Variants in MYO18B observed in about 807,000 individuals in gnomAD.
MYO18B encodes myosin XVIIIB, also known as unconventional myosin-XVIIIb.
A neutral mutation model predicts 273.0 loss-of-function variants in MYO18B; 204 were observed. That is an observed-to-expected ratio of 0.75 (90% CI 0.67 to 0.84). The LOEUF (loss-of-function observed/expected upper bound fraction) is 0.84. Ranked by LOEUF, MYO18B falls within the 40% of genes least tolerant of loss-of-function variation. The probability of loss-of-function intolerance (pLI) is 0.00; values close to 1 mark genes in which losing one functional copy is unlikely to be tolerated. For synonymous variants in MYO18B, 1,330 were observed against 1,305.7 expected (o/e 1.02, Z -0.40); for missense variants, 3,212 against 3,287.6 (o/e 0.98, Z 0.56).
chr22:25,761,361 G>T (rs2086310161), intron 2 of MYO18B, among the ~76,000 whole-genome samples: 2 of 151,250 alleles, frequency 1.3e-5, no homozygotes, highest in Admixed American at 6.6e-5. Context: ...AGGGCTGCCT[G>T]GTTGTTTCCT....
chr22:26,017,345 T>G (rs1935439870), intron 42 of MYO18B, among the ~76,000 whole-genome samples: 1 of 151,862 alleles, frequency 6.6e-6, no homozygotes, highest in Non-Finnish European at 1.5e-5. Flanking sequence ...TCCTTCTTCC[T>G]TCCTTCCTTC....
intron 12 of MYO18B, among the ~76,000 whole-genome samples, chr22:25,820,912 T>C (rs2089253788): frequency 6.6e-6 from 1 of 152,188 alleles, no homozygotes; most frequent in African/African-American, 2.4e-5. Flanking sequence ...AGCTTCCACA[T>C]ATGAATAAGA....
intron 39 of MYO18B, among the ~76,000 whole-genome samples, chr22:25,968,378 G>C (rs2093001497): frequency 6.6e-6 from 1 of 152,210 alleles, no homozygotes; most frequent in Admixed American, 6.5e-5. Context: ...GTTAGTGCCA[G>C]AAGGAGGAGA....
At chr22:25,995,975 A>G (rs1391240879) in intron 40 of MYO18B, among the ~76,000 whole-genome samples, 8 of 152,236 alleles carry the variant, frequency 5.3e-5, no homozygotes. Flanking sequence ...ACACGACTAC[A>G]GAAAACCAGG....
intron 20 of MYO18B, 92 bp downstream of exon 20, chr22:25,847,744 GT>G: frequency 1.1e-6 from 1 of 941,422 alleles, no homozygotes; most frequent in Non-Finnish European, 1.6e-6. Context: ...CCCCTGCCAT[GT>G]GCTAGGAGCT....
rs1481652304 is a variant in MYO18B, at chr22:25,950,503, G to A, written c.5832+53G>A. The A allele has an allele frequency of 1.0e-5, 8 of 795,992 alleles. No individual in the cohort carries two copies. In the African/African-American group the frequency reaches 2.1e-4, roughly 21 times the overall value. The allele number at this position is 795,992 out of a possible 1,614,324, so 49.3% of individuals were successfully genotyped here. The stretch of plus-strand genomic sequence containing the variant: ...GTATTAGTCAGGGTTTTCTTAGAGG[G>A]ACAGAACTAATAGGATGTGTGTGTG... On this transcript the variant is annotated intron_variant, in intron 37 of 43. Transcript: ENST00000335473.
chr22:25,935,986 C>A (rs1235971914), intron 34 of MYO18B, among the ~76,000 whole-genome samples: 1 of 152,212 alleles, frequency 6.6e-6, no homozygotes. Context: ...CTGCCTCAGT[C>A]TCTCAGTACA....
the MYO18B span, among the ~76,000 whole-genome samples, chr22:26,051,981 A>G: frequency 6.6e-6 from 1 of 152,218 alleles, no homozygotes. Context: ...CTCTTGATGA[A>G]CACTTGGATT....
intron 39 of MYO18B, among the ~76,000 whole-genome samples, chr22:25,964,424 A>C (rs1439681026): frequency 6.6e-6 from 1 of 152,226 alleles, no homozygotes; most frequent in Admixed American, 6.5e-5. Context: ...TGACCGACTC[A>C]ATGAATTTTA....
chr22:25,925,277 T>C (rs1405164787), intron 34 of MYO18B, among the ~76,000 whole-genome samples: 2 of 150,264 alleles, frequency 1.3e-5, no homozygotes, highest in Non-Finnish European at 2.9e-5. Flanking sequence ...GAATTCAGGA[T>C]CTGCATTTTT....
At chr22:25,861,177 C>T (rs915990362) in intron 21 of MYO18B, among the ~76,000 whole-genome samples, 1 of 152,108 alleles carries the variant, frequency 6.6e-6, no homozygotes, top group Non-Finnish European at 1.5e-5. Context: ...AGCCACTGTG[C>T]CTGGCATGTT....
At chr22:25,999,965 T>A (rs1933792254) in intron 40 of MYO18B, among the ~76,000 whole-genome samples, 1 of 152,148 alleles carries the variant, frequency 6.6e-6, no homozygotes, top group South Asian at 2.1e-4. Context: ...GTTCTTTTTT[T>A]AAAAAGCCAC....
At chr22:25,963,109 TTCTC>T (rs1336849801) in intron 39 of MYO18B, among the ~76,000 whole-genome samples, 4 of 147,226 alleles carry the variant, frequency 2.7e-5, no homozygotes, top group South Asian at 2.2e-4. Context: ...GGCATGCTGT[TTCTC>T]TCTCTCTCTC....
intron 27 of MYO18B, among the ~76,000 whole-genome samples, chr22:25,891,633 T>C (rs2091664430): frequency 6.6e-6 from 1 of 152,244 alleles, no homozygotes; most frequent in Non-Finnish European, 1.5e-5. Context: ...TAACAAATTA[T>C]CTGTATGATA....
intron 21 of MYO18B, among the ~76,000 whole-genome samples, chr22:25,859,923 C>T (rs1259332036): frequency 6.6e-6 from 1 of 152,168 alleles, no homozygotes; most frequent in African/African-American, 2.4e-5. Context: ...CCCTCGGTTA[C>T]AGAGATATTC....
chr22:25,834,042 C>T (rs973130718), intron 16 of MYO18B, among the ~76,000 whole-genome samples: 2 of 152,210 alleles, frequency 1.3e-5, no homozygotes, highest in African/African-American at 4.8e-5. Context: ...CTGTGCCTCT[C>T]CTAGGAAAGG....
intron 25 of MYO18B, among the ~76,000 whole-genome samples, chr22:25,887,471 A>C (rs1050971576): frequency 2.6e-5 from 4 of 152,164 alleles, no homozygotes; most frequent in African/African-American, 9.7e-5. Flanking sequence ...CCCTTGGAGT[A>C]ATTGTCCCTC....
At chr22:25,991,699 T>A (rs1196878835) in intron 39 of MYO18B, among the ~76,000 whole-genome samples, 1 of 152,140 alleles carries the variant, frequency 6.6e-6, no homozygotes, top group African/African-American at 2.4e-5. Flanking sequence ...CAGTTCCTCA[T>A]CTGTGAAATG....
downstream of MYO18B, among the ~76,000 whole-genome samples, chr22:26,035,615 G>A (rs2061139433): frequency 6.6e-6 from 1 of 152,136 alleles, no homozygotes; most frequent in Non-Finnish European, 1.5e-5. Context: ...AAACTCCAGG[G>A]GTTTGACCTA....
Sources: gnomAD v4.1 joint callset for allele counts (sites outside exome capture counted in the v4.1 genomes callset) on GRCh38, gnomAD v4.1.1 for gene constraint, MANE v1.5 for transcripts, NCBI Gene and HGNC (gene_info 2026-07-23, HGNC 2026-07-21) for gene names.